PCOLCE2: variants seen among roughly 807,000 people sequenced by gnomAD.
PCOLCE2 encodes procollagen C-proteinase enhancer 2.
PCOLCE2 carries 42 observed loss-of-function variants against 47.0 expected under a neutral mutation model. That is an observed-to-expected ratio of 0.89 (90% CI 0.70 to 1.16). PCOLCE2 has a LOEUF of 1.16. PCOLCE2 is among the 50% of genes most tolerant of loss of function. The pLI, the probability that PCOLCE2 is intolerant of heterozygous loss-of-function variation, is 0.00. For missense variants in PCOLCE2, 500 were observed against 526.1 expected (o/e 0.95, Z 0.49); for synonymous variants, 169 against 191.7 (o/e 0.88, Z 0.98).
intron 5 of PCOLCE2, among the ~76,000 whole-genome samples, chr3:142,834,724 T>A (rs1044522683): frequency 1.3e-5 from 2 of 152,210 alleles, no homozygotes; most frequent in Non-Finnish European, 2.9e-5. Context: ...GCTTGCCAAG[T>A]TTTTTGTTTC....
rs372690125 is a variant in PCOLCE2, at chr3:142,842,307, C to T, written c.573+617G>A. ...GGATTTTTATCCTCCCACAGTTAGTCGCTGCTGCTTATAACATCCACTGCA... is the reference window on the plus strand; with the variant it reads ...GGATTTTTATCCTCCCACAGTTAGTTGCTGCTGCTTATAACATCCACTGCA... On this transcript the variant is annotated intron_variant, in intron 4 of 8. Transcript: ENST00000295992. The surrounding 1 kb of genome is among the most constrained non-coding windows in gnomAD (Gnocchi z 4.1). Among the ~76,000 whole-genome samples the T allele has an allele frequency of 1.1e-4, 16 of 152,238 alleles. No individual in the cohort carries two copies. Among genetic ancestry groups the T allele is most frequent in the African/African-American group, 3.4e-4 (14 of 41,520 alleles).
chr3:142,832,671 T>C (rs1420160896), intron 5 of PCOLCE2, among the ~76,000 whole-genome samples: 1 of 152,162 alleles, frequency 6.6e-6, no homozygotes, highest in Admixed American at 6.5e-5. Flanking sequence ...TCCCAGTACT[T>C]TTCTTTGCAG....
chr3:142,838,181 T>C (rs945362042), intron 5 of PCOLCE2, among the ~76,000 whole-genome samples: 1 of 152,192 alleles, frequency 6.6e-6, no homozygotes, highest in Non-Finnish European at 1.5e-5. Context: ...TGTTTGGCTA[T>C]TGACACTCCT....
In PCOLCE2 at chr3:142,818,417, T is replaced by C; in HGVS notation, c.1166A>G (p.Lys389Arg). 1 of 1,613,330 alleles carries C rather than the reference T, an allele frequency of 6.2e-7. No individual in the cohort carries two copies. The highest frequency in any genetic ancestry group is 1.7e-4 in the Middle Eastern group (1 of 6,060). Residue 389 changes from lysine to arginine, a missense_variant, in exon 9 of 9, where the codon AAA becomes AGA. Physicochemically the swap from Lys to Arg is conservative, Grantham distance 26. Coordinates refer to ENST00000295992, the MANE Select transcript of PCOLCE2 (RefSeq NM_013363.4). ...CATGATAAAGCTGTTTGGCATGATTTTGCCTCGCCCATCTTCACCTACTTG... is the reference window on the plus strand; with the variant it reads ...CATGATAAAGCTGTTTGGCATGATTCTGCCTCGCCCATCTTCACCTACTTG... ...MGQVGEDGRG[K>R]IMPNSFIMMF...
chr3:142,841,842 G>A (rs1421923351), intron 4 of PCOLCE2, among the ~76,000 whole-genome samples: 1 of 152,054 alleles, frequency 6.6e-6, no homozygotes. Flanking sequence ...TAGTGTTTGG[G>A]TTAAAGTCTA....
chr3:142,870,180 C>T (rs1342991638), intron 2 of PCOLCE2, among the ~76,000 whole-genome samples: 1 of 152,130 alleles, frequency 6.6e-6, no homozygotes, highest in East Asian at 1.9e-4. Flanking sequence ...ACGGTGGCAG[C>T]AAGTGCTTGC....
intron 2 of PCOLCE2, among the ~76,000 whole-genome samples, chr3:142,851,077 T>C (rs950824087): frequency 1.3e-5 from 2 of 152,034 alleles, no homozygotes; most frequent in African/African-American, 2.4e-5. Context: ...GTAAATGAGG[T>C]GGTGAAAGCA....
intron 2 of PCOLCE2, among the ~76,000 whole-genome samples, chr3:142,856,677 C>T (rs1346527342): frequency 2.0e-5 from 3 of 152,268 alleles, no homozygotes; most frequent in Middle Eastern, 3.4e-3. Context: ...CAAGAGCTGT[C>T]GCATTAGGTT....
At chr3:142,829,432 A>T (rs1937121128) in intron 6 of PCOLCE2, among the ~76,000 whole-genome samples, 1 of 152,140 alleles carries the variant, frequency 6.6e-6, no homozygotes, top group African/African-American at 2.4e-5. Flanking sequence ...TCTTAGAATG[A>T]TCTGTGCTTC....
At chr3:142,885,879 C>T (rs1332443898) in intron 2 of PCOLCE2, among the ~76,000 whole-genome samples, 4 of 152,204 alleles carry the variant, frequency 2.6e-5, no homozygotes, top group African/African-American at 4.8e-5. Context: ...CTTCTCTTCC[C>T]ACTGTCCCCT....
intron 4 of PCOLCE2, among the ~76,000 whole-genome samples, chr3:142,841,144 A>T (rs1456565041): frequency 6.6e-6 from 1 of 152,120 alleles, no homozygotes; most frequent in African/African-American, 2.4e-5. Context: ...AAAGAAGAAG[A>T]TAAAGGAAAA....
chr3:142,832,922 TGG>T (rs1446786737), intron 5 of PCOLCE2, among the ~76,000 whole-genome samples: 1 of 152,166 alleles, frequency 6.6e-6, no homozygotes, highest in Non-Finnish European at 1.5e-5. Flanking sequence ...ACTATTCCTC[TGG>T]ATAAAAGTGT....
chr3:142,861,654 AC>A (rs869078758), intron 2 of PCOLCE2, among the ~76,000 whole-genome samples: 4 of 106,458 alleles, frequency 3.8e-5, no homozygotes, highest in African/African-American at 5.6e-5. Context: ...TCTGCTCTGC[AC>A]TGTTTCTGTT....
At chr3:142,851,683 T>C (rs1014368428) in intron 2 of PCOLCE2, among the ~76,000 whole-genome samples, 9 of 152,050 alleles carry the variant, frequency 5.9e-5, no homozygotes, top group Non-Finnish European at 1.3e-4. Context: ...GAAATTACAG[T>C]TGATTAGGAC....
intron 5 of PCOLCE2, 76 bp downstream of exon 5, chr3:142,838,694 A>G: frequency 7.5e-7 from 1 of 1,327,168 alleles, no homozygotes. Context: ...CCAGAAAACA[A>G]ATGTGATTGG....
intron 5 of PCOLCE2, among the ~76,000 whole-genome samples, chr3:142,838,499 T>C (rs184490254): frequency 1.4e-4 from 22 of 152,300 alleles, no homozygotes; most frequent in Middle Eastern, 3.4e-3. Flanking sequence ...TCCACCATGA[T>C]TGTACATTTC....
chr3:142,827,844 A>C (rs1937102242), intron 6 of PCOLCE2: 1 of 540,738 alleles, frequency 1.8e-6, no homozygotes, highest in Non-Finnish European at 3.3e-6. Flanking sequence ...ACAAGGCGAC[A>C]GCCTAATTTA....
chr3:142,825,659 G>A (rs1937068774), intron 6 of PCOLCE2, among the ~76,000 whole-genome samples: 1 of 152,150 alleles, frequency 6.6e-6, no homozygotes, highest in Non-Finnish European at 1.5e-5. Flanking sequence ...CATCTTTGAT[G>A]GTTCAATATA....
At chr3:142,847,710 T>C (rs1420862678) in intron 3 of PCOLCE2, among the ~76,000 whole-genome samples, 2 of 152,146 alleles carry the variant, frequency 1.3e-5, no homozygotes, top group East Asian at 3.9e-4. Context: ...ATAATTTTTG[T>C]ATTTTTTGTA....
Sources: gnomAD v4.1 joint callset for allele counts (sites outside exome capture counted in the v4.1 genomes callset) on GRCh38, gnomAD v4.1.1 for gene constraint, Gnocchi (gnomAD v3.1) non-coding constraint, MANE v1.5 for transcripts, NCBI Gene and HGNC (gene_info 2026-07-23, HGNC 2026-07-21) for gene names.